Variants in RIF1 observed in about 807,000 individuals in gnomAD.
The protein encoded by RIF1 is replication timing regulatory factor 1.
In RIF1, 45 loss-of-function variants were observed where a neutral mutation model predicts 247.1. That is an observed-to-expected ratio of 0.18 (90% CI 0.14 to 0.23). The LOEUF (loss-of-function observed/expected upper bound fraction) is 0.23. RIF1 is among the 10% of genes least tolerant of loss of function. The pLI, the probability that RIF1 is intolerant of heterozygous loss-of-function variation, is 1.00. For missense variants in RIF1, 2,967 were observed against 2,862.5 expected (o/e 1.04, Z -0.83); for synonymous variants, 1,087 against 978.8 (o/e 1.11, Z -2.06).
At chr2:151,507,215 G>T in intron 13 of RIF1, 1 of 504,954 alleles carries the variant, frequency 2.0e-6, no homozygotes, top group Non-Finnish European at 3.5e-6. Context: ...ATAAAGCTAG[G>T]GGTTTGTTTT....
chr2:151,456,579 C>T lies in RIF1; in HGVS notation c.2611C>T (p.Leu871Phe), dbSNP rs901825485. ...PLALFYENSKLDEVPKVYSCL... is the reference protein window; with the variant it reads ...PLALFYENSKFDEVPKVYSCL... ...GGTATTCTATTTTATCCTTCCTAGG[C>T]TTGATGAAGTTCCTAAAGTATATAG... The change falls in exon 23 of 36, where the codon CTT (leucine) becomes TTT (phenylalanine). Residue 871 changes from leucine (L) to phenylalanine (F), a missense_variant and splice_region_variant. Leu to Phe is a conservative substitution (Grantham distance 22, BLOSUM62 0). This residue lies in a region of RIF1 where 2,028 missense variants were observed against 1,825.6 expected (regional missense o/e 1.11). Coordinates refer to ENST00000444746, the MANE Select transcript of RIF1 (RefSeq NM_018151.5). The T allele has an allele frequency of 6.6e-7, 1 of 1,510,462 alleles. No individual in the cohort carries two copies. The highest frequency in any genetic ancestry group is 9.1e-7 in the Non-Finnish European group (1 of 1,094,414). 93.6% of individuals were successfully genotyped at this position (1,510,462 alleles called of 1,614,324 possible).
chr2:151,494,338 A>G, intron 9 of RIF1: 3 of 941,664 alleles, frequency 3.2e-6, no homozygotes, highest in Non-Finnish European at 4.9e-6. Context: ...ATAACTTTTG[A>G]TTATCTTTAG....
intron 15 of RIF1, 63 bp from the exon 16 acceptor site, chr2:151,441,842 T>G: frequency 1.4e-6 from 1 of 726,246 alleles, no homozygotes; most frequent in Admixed American, 2.4e-5. Context: ...TAGTTAACAC[T>G]CAGATTTTTA....
At chr2:151,491,676 A>G (rs2056763978) in intron 9 of RIF1, 1 of 1,573,808 alleles carries the variant, frequency 6.4e-7, no homozygotes, top group African/African-American at 1.3e-5. Context: ...TTTTTCAGCT[A>G]ACACACCATT....
At chr2:151,498,811 CAG>C (rs1491105148) in intron 10 of RIF1, among the ~76,000 whole-genome samples, 3 of 151,726 alleles carry the variant, frequency 2.0e-5, no homozygotes, top group Non-Finnish European at 4.4e-5. Flanking sequence ...CAAAAGAAGT[CAG>C]AGTATTTAAT....
chr2:151,473,033 A>G (rs2048676273), intron 34 of RIF1, among the ~76,000 whole-genome samples: 1 of 152,094 alleles, frequency 6.6e-6, no homozygotes, highest in Non-Finnish European at 1.5e-5. Context: ...TATGCATTAT[A>G]TGTATATACC....
Position 151,424,629 on chromosome 2 carries a change from G to A in RIF1, c.786+1587G>A, listed in dbSNP as rs992347217. Among the ~76,000 whole-genome samples, 6 of 152,028 alleles carry A rather than the reference G, an allele frequency of 3.9e-5. No homozygotes were observed. The South Asian group carries it at 1.0e-3, about 26-fold the overall frequency. The stretch of plus-strand genomic sequence containing the variant: ...TATATGCTTAAGAGTGGAATTGCTG[G>A]GTTATGTAGTAGTTCTATGCTTAAC... On this transcript the variant is annotated intron_variant, in intron 8 of 35. Coordinates refer to ENST00000444746, the MANE Select transcript of RIF1 (RefSeq NM_018151.5).
chr2:151,422,532 C>T (rs1688358743), intron 7 of RIF1, among the ~76,000 whole-genome samples: 2 of 149,702 alleles, frequency 1.3e-5, no homozygotes, highest in South Asian at 4.2e-4. Context: ...GACAGTCTTG[C>T]TCTGTCGCCC....
At chr2:151,502,365 AAAAT>A (rs1208565792) in intron 11 of RIF1, among the ~76,000 whole-genome samples, 6 of 146,648 alleles carry the variant, frequency 4.1e-5, no homozygotes, top group African/African-American at 1.5e-4. Context: ...AACTTATGGA[AAAAT>A]AAATAAACAT....
At chr2:151,435,180 A>G (rs1406179603) in intron 10 of RIF1, among the ~76,000 whole-genome samples, 1 of 152,172 alleles carries the variant, frequency 6.6e-6, no homozygotes, top group Non-Finnish European at 1.5e-5. Flanking sequence ...GTCTGAGTTC[A>G]TGTTTTCCAG....
the RIF1 span, among the ~76,000 whole-genome samples, chr2:151,523,187 G>T: frequency 6.6e-5 from 10 of 151,840 alleles, no homozygotes; most frequent in East Asian, 7.7e-4. Flanking sequence ...TTTTTTGTTG[G>T]TGGTGGTGAT....
intron 8 of RIF1, chr2:151,423,316 T>A: frequency 3.2e-6 from 1 of 316,866 alleles, no homozygotes. Flanking sequence ...TGCCTTTTTG[T>A]TTTAGTTCTC....
intron 34 of RIF1, among the ~76,000 whole-genome samples, chr2:151,473,371 ACTGCAG>A (rs1452056153): frequency 3.0e-5 from 4 of 132,894 alleles, no homozygotes; most frequent in Non-Finnish European, 3.1e-5. Context: ...ATCTCGGCCC[ACTGCAG>A]CTGCACCTCC....
At chr2:151,519,421 C>G in the RIF1 span, among the ~76,000 whole-genome samples, 1 of 151,934 alleles carries the variant, frequency 6.6e-6, no homozygotes, top group Non-Finnish European at 1.5e-5. Context: ...CTCTCTAAAA[C>G]AGGCAAATGC....
chr2:151,534,376 A>C, the RIF1 span: 4 of 1,483,788 alleles, frequency 2.7e-6, no homozygotes, highest in African/African-American at 1.4e-5. Context: ...CTACACAAAA[A>C]TGTCTCAAGG....
chr2:151,462,590 G>A (rs1696354985), intron 29 of RIF1, 124 bp downstream of exon 29: 5 of 666,048 alleles, frequency 7.5e-6, no homozygotes, highest in Admixed American at 2.9e-5. Context: ...TAGATTTATT[G>A]TATGATTTCC....
the RIF1 span, chr2:151,526,944 G>A: frequency 6.2e-7 from 1 of 1,600,808 alleles, no homozygotes; most frequent in East Asian, 2.2e-5. Flanking sequence ...GTATTCCTGA[G>A]GGCGAGCACC....
At chr2:151,505,174 C>T (rs2153164369) in intron 12 of RIF1, among the ~76,000 whole-genome samples, 1 of 152,218 alleles carries the variant, frequency 6.6e-6, no homozygotes, top group Admixed American at 6.5e-5. Flanking sequence ...CTTATTACTA[C>T]CATCAAAACA....
At chr2:151,515,710 C>T in the RIF1 span, among the ~76,000 whole-genome samples, 61 of 152,310 alleles carry the variant, frequency 4.0e-4, no homozygotes, top group African/African-American at 1.4e-3. Context: ...TTTAAATTTA[C>T]AGGAAAGTCA....
Sources: allele counts gnomAD v4.1 joint callset (sites outside exome capture counted in the v4.1 genomes callset), GRCh38; gene constraint gnomAD v4.1.1; regional missense constraint gnomAD v4.1.1; transcripts MANE v1.5; gene names NCBI Gene and HGNC (gene_info 2026-07-23, HGNC 2026-07-21).